Variants in FANCM observed in about 807,000 individuals in gnomAD.
The protein encoded by FANCM is Fanconi anemia group M protein.
A neutral mutation model predicts 199.5 loss-of-function variants in FANCM; 140 were observed. The observed-to-expected ratio is 0.70, with a 90% CI of 0.61 to 0.81. The LOEUF is 0.81. Ranked by LOEUF, FANCM falls within the 30% of genes least tolerant of loss-of-function variation. The probability of loss-of-function intolerance (pLI) is 0.00; values close to 1 mark genes in which losing one functional copy is unlikely to be tolerated. For synonymous variants in FANCM, 840 were observed against 836.8 expected (o/e 1.00, Z -0.07); for missense variants, 2,410 against 2,421.4 (o/e 1.00, Z 0.10).
In FANCM at chr14:45,175,488, A is replaced by G. The variant is rs45568842; in HGVS notation, c.2734A>G (p.Ile912Val). ...AGATGAAATTGCTGCCACATGTACTATTAATGAAAATGTTATTAAAGAACC... is the reference window on the plus strand; with the variant it reads ...AGATGAAATTGCTGCCACATGTACTGTTAATGAAAATGTTATTAAAGAACC... Reference protein sequence around the residue: ...DTDEIAATCTINENVIKEPCV... With the variant: ...DTDEIAATCTVNENVIKEPCV... Residue 912 changes from isoleucine to valine, a missense_variant, in exon 14 of 23, where the codon ATT becomes GTT. Ile to Val is a conservative substitution (Grantham distance 29). Coordinates refer to ENST00000267430, the MANE Select transcript of FANCM (RefSeq NM_020937.4). 76 of 1,612,702 alleles carry G rather than the reference A, an allele frequency of 4.7e-5. No individual in the cohort carries two copies. Among genetic ancestry groups the G allele is most frequent in the Middle Eastern group, 1.7e-4 (1 of 6,058 alleles).
chr14:45,177,941 G>A (rs76048565), intron 14 of FANCM, among the ~76,000 whole-genome samples: 13,576 of 152,222 alleles, frequency 0.089, 746 homozygotes, highest in South Asian at 0.18. Context: ...CTGGGTTTCT[G>A]TAATCTAACC....
rs1436927916 is a variant in FANCM at position 45,176,745 on chromosome 14, C to T, written c.3991C>T (p.Pro1331Ser). The stretch of plus-strand genomic sequence containing the variant: ...TCCTGGTTATTCTCAGTTTTCTTTA[C>T]CAGTGCAAAAAAAAGTTATGAGTAC... ...LSPGYSQFSL[P>S]VQKKVMSTPL... The change falls in exon 14 of 23, where the codon CCA becomes TCA. Residue 1331 changes from proline (P) to serine (S), a missense_variant. By Grantham distance (74) the Pro-to-Ser change is moderately conservative. Coordinates refer to ENST00000267430, the MANE Select transcript of FANCM (RefSeq NM_020937.4). 2 of 1,611,034 alleles carry T rather than the reference C, an allele frequency of 1.2e-6. No individual in the cohort carries two copies. Among genetic ancestry groups the T allele is most frequent in the South Asian group, 1.1e-5 (1 of 90,524 alleles).
intron 5 of FANCM, among the ~76,000 whole-genome samples, chr14:45,153,067 A>G (rs906296313): frequency 1.3e-5 from 2 of 152,222 alleles, no homozygotes; most frequent in African/African-American, 4.8e-5. Flanking sequence ...GCTACTAAAA[A>G]TGTTAGAAAA....
intron 14 of FANCM, among the ~76,000 whole-genome samples, chr14:45,178,024 C>G (rs1888825584): frequency 6.6e-6 from 1 of 152,152 alleles, no homozygotes; most frequent in Non-Finnish European, 1.5e-5. Context: ...TAATACAACT[C>G]TACAGATTAT....
chr14:45,185,182 T>G, intron 17 of FANCM, 35 bp from the exon 18 acceptor site: 4 of 1,373,040 alleles, frequency 2.9e-6, no homozygotes, highest in Non-Finnish European at 4.1e-6. Context: ...ATTTTCTCAC[T>G]GATATCTTCA....
chr14:45,166,536 T>A (rs1426333603), intron 10 of FANCM, among the ~76,000 whole-genome samples: 1 of 152,064 alleles, frequency 6.6e-6, no homozygotes, highest in Non-Finnish European at 1.5e-5. Flanking sequence ...TTTCAGCACC[T>A]TGGGAGGCCA....
At position 45,159,347 on chromosome 14, in the gene FANCM, G is replaced by T. The variant is rs1218513414; in HGVS notation, c.1581+67G>T. On this transcript the variant is annotated intron_variant, in intron 9 of 22. Transcript: ENST00000267430. ...TTAGCTTTGCACTTGTTCTTTTTTTGTTAGTTTTAACTCACTGGTCAATTA... is the reference window on the plus strand; with the variant it reads ...TTAGCTTTGCACTTGTTCTTTTTTTTTTAGTTTTAACTCACTGGTCAATTA... 11 of 1,253,112 alleles carry T rather than the reference G, an allele frequency of 8.8e-6. No homozygotes were observed. In the African/African-American group the frequency reaches 1.7e-4, roughly 19 times the overall value. The allele number at this position is 1,253,112 out of a possible 1,614,324, so 77.6% of individuals were successfully genotyped here. A position where few individuals can be genotyped will look rare whatever the true frequency, so the allele number is the denominator to read the frequency against.
Position 45,136,465 on chromosome 14 carries a change from C to G in FANCM, c.434C>G (p.Pro145Arg), listed in dbSNP as rs1363097252. 2 of 1,614,004 alleles carry G rather than the reference C, an allele frequency of 1.2e-6. No homozygotes were observed. Among genetic ancestry groups the G allele is most frequent in the East Asian group, 4.5e-5 (2 of 44,892 alleles). ...GTGGTCTTCATGGCCCCAACGAAAC[C>G]CTTGGTGACACAGCAGATCGAGGCT... ...GKVVFMAPTKPLVTQQIEACY... is the reference protein window; with the variant it reads ...GKVVFMAPTKRLVTQQIEACY... The change falls in exon 1 of 23, where the codon CCC becomes CGC. Residue 145 changes from proline to arginine, a missense_variant. By Grantham distance (103) the Pro-to-Arg change is moderately radical. Coordinates refer to ENST00000267430, the MANE Select transcript of FANCM (RefSeq NM_020937.4).
In FANCM at chr14:45,188,834, T is replaced by C. The variant is rs747974830; in HGVS notation, c.4812T>C (p.Asp1604=). The C allele has an allele frequency of 5.6e-6, 9 of 1,613,208 alleles. No individual in the cohort carries two copies. Among genetic ancestry groups the C allele is most frequent in the Non-Finnish European group, 6.8e-6 (8 of 1,179,684 alleles). Residue 1604 remains aspartate, a synonymous_variant, in exon 20 of 23, where the codon GAT becomes GAC. Coordinates refer to ENST00000267430, the MANE Select transcript of FANCM (RefSeq NM_020937.4). The part of the protein sequence containing the change: ...IPEQDETYLE[D]SFCVDEEESC... ...AACAAGATGAAACCTATTTAGAGGA[T>C]AGTTTTTGTGTTGATGAAGAGGAGT...
At chr14:45,179,561 C>CTTTTTTTT (rs36031280) in intron 14 of FANCM, among the ~76,000 whole-genome samples, 19 of 95,470 alleles carry the variant, frequency 2.0e-4, no homozygotes, top group East Asian at 8.0e-4. Flanking sequence ...TTCTTTCTTT[C>CTTTTTTTT]TTTTTTTTTT....
In FANCM at chr14:45,183,802, A is replaced by G; in HGVS notation, c.4415A>G (p.Glu1472Gly). 6.2e-7 allele frequency: 1 copy of G among 1,609,384 alleles called. No individual in the cohort carries two copies. The highest frequency in any genetic ancestry group is 8.5e-7 in the Non-Finnish European group (1 of 1,175,984). Residue 1472 changes from glutamate to glycine, a missense_variant, in exon 17 of 23, where the codon GAG becomes GGG. Transcript: ENST00000267430. The stretch of plus-strand genomic sequence containing the variant: ...GAATTATCATCTAGTGATGAGAGTG[A>G]GAATTTTCCCAAACCATGTTCACAA... Reference protein sequence around the residue: ...RSELSSSDESENFPKPCSQLE... With the variant: ...RSELSSSDESGNFPKPCSQLE...
At chr14:45,151,647 G>A in intron 5 of FANCM, 119 bp downstream of exon 5, 8 of 899,768 alleles carry the variant, frequency 8.9e-6, no homozygotes, top group African/African-American at 1.7e-5. Flanking sequence ...AAATGAGGCC[G>A]AACACAGTGG....
At chr14:45,197,335 AC>A (rs1890115190) in intron 21 of FANCM, among the ~76,000 whole-genome samples, 2 of 152,172 alleles carry the variant, frequency 1.3e-5, no homozygotes, top group South Asian at 4.1e-4. Context: ...GAAGAATTAT[AC>A]TTTTGGTAAT....
chr14:45,153,975 A>G lies in FANCM; in HGVS notation c.1106A>G (p.His369Arg), dbSNP rs1887001491. The G allele has an allele frequency of 1.3e-6, 2 of 1,596,792 alleles. No individual in the cohort carries two copies. Among genetic ancestry groups the G allele is most frequent in the East Asian group, 4.5e-5 (2 of 44,732 alleles). ...TTTGCTATTTGTATTAGTTTATATC[A>G]TGGTTATGAATTATTGCAGCAAATG... The part of the protein sequence containing the change: ...GEFAICISLY[H>R]GYELLQQMGM... Residue 369 changes from histidine (H) to arginine (R), a missense_variant, in exon 6 of 23, where the codon CAT (histidine) becomes CGT (arginine). Transcript: ENST00000267430.
intron 3 of FANCM, among the ~76,000 whole-genome samples, chr14:45,147,573 G>A (rs1886496893): frequency 6.6e-6 from 1 of 152,044 alleles, no homozygotes; most frequent in Non-Finnish European, 1.5e-5. Context: ...TTAGGCGTGA[G>A]CTGCTGCCCG....
At chr14:45,181,731 G>GT in intron 16 of FANCM, 26 bp downstream of exon 16, 1 of 1,447,036 alleles carries the variant, frequency 6.9e-7, no homozygotes, top group Non-Finnish European at 9.7e-7. Context: ...GTAATGTATA[G>GT]TAATCCAAAT....
In FANCM at chr14:45,185,334, T is replaced by G; in HGVS notation, c.4633T>G (p.Phe1545Val). 1 of 1,593,832 alleles carries G rather than the reference T, an allele frequency of 6.3e-7. No homozygotes were observed. Among genetic ancestry groups the G allele is most frequent in the Non-Finnish European group, 8.6e-7 (1 of 1,166,052 alleles). ...ENEQDSSLLDFLNDETQLSQA... is the reference protein window; with the variant it reads ...ENEQDSSLLDVLNDETQLSQA... ...TGAACAAGATTCCTCATTACTTGAC[T>G]TTTTAAATGATGAAACTCAACTTTC... Residue 1545 changes from phenylalanine to valine, a missense_variant, in exon 18 of 23, where the codon TTT becomes GTT. Phe to Val is a conservative substitution (Grantham distance 50). Coordinates refer to ENST00000267430, the MANE Select transcript of FANCM (RefSeq NM_020937.4).
Position 45,154,757 on chromosome 14 carries a change from A to G in FANCM, c.1244A>G (p.His415Arg). The G allele has an allele frequency of 6.3e-7, 1 of 1,593,252 alleles. No individual in the cohort carries two copies. The highest frequency in any genetic ancestry group is 1.1e-5 in the South Asian group (1 of 90,090). The change falls in exon 7 of 23, where the codon CAT becomes CGT. Residue 415 changes from histidine to arginine, a missense_variant. Physicochemically the swap from His to Arg is conservative, Grantham distance 29. Transcript: ENST00000267430. ...GAAGACTTCATGAAACTCTATAATC[A>G]TCTAGAGTGTATGTTTGCACGTACA... The part of the protein sequence containing the change: ...RNEDFMKLYN[H>R]LECMFARTRS...
intron 4 of FANCM, among the ~76,000 whole-genome samples, chr14:45,151,083 G>A (rs562980561): frequency 3.5e-4 from 53 of 152,318 alleles, no homozygotes; most frequent in Non-Finnish European, 6.6e-4. Flanking sequence ...AAAGGTCTTC[G>A]TTCATGGTAC....
Sources: allele counts gnomAD v4.1 joint callset (sites outside exome capture counted in the v4.1 genomes callset), GRCh38; gene constraint gnomAD v4.1.1; transcripts MANE v1.5; gene names NCBI Gene and HGNC (gene_info 2026-07-23, HGNC 2026-07-21).